GPR176: variants seen among roughly 807,000 people sequenced by gnomAD.
The protein encoded by GPR176 is G-protein coupled receptor 176.
Under a neutral mutation model 35.4 loss-of-function variants are expected in GPR176, and 26 were observed. The observed-to-expected ratio is 0.74, with a 90% CI of 0.54 to 1.02. The LOEUF is 1.02. Among genes scored for constraint, GPR176 ranks in the 50% least tolerant of loss-of-function variants. The pLI is 0.00. For synonymous variants in GPR176, 278 were observed against 271.3 expected, an observed-to-expected ratio of 1.02 and a Z score of -0.24; for missense variants, 597 against 665.3, an observed-to-expected ratio of 0.90 and a Z score of 1.13.
rs569056474 is a variant in GPR176 at position 39,855,354 on chromosome 15, A to C, written c.173-48096T>G. 2.0e-5 allele frequency among the ~76,000 whole-genome samples: 3 copies of C among 152,316 alleles called. No individual in the cohort carries two copies. The East Asian group carries it at 5.8e-4, about 29-fold the overall frequency. ...GTCTTGTGTGTCCCAACTATAGTGAAGGCATGAGGAATTCAAATAAGCCCT... is the reference window on the plus strand; with the variant it reads ...GTCTTGTGTGTCCCAACTATAGTGACGGCATGAGGAATTCAAATAAGCCCT... On this transcript the variant is annotated intron_variant, in intron 1 of 2. Transcript: ENST00000561100.
intron 1 of GPR176, among the ~76,000 whole-genome samples, chr15:39,882,566 G>C (rs2140850108): frequency 6.6e-6 from 1 of 152,326 alleles, no homozygotes; most frequent in Admixed American, 6.5e-5. Flanking sequence ...CAGTGCTGAT[G>C]AAATAACCAG....
chr15:39,892,750 G>A (rs938684092), intron 1 of GPR176, among the ~76,000 whole-genome samples: 2 of 152,226 alleles, frequency 1.3e-5, no homozygotes, highest in African/African-American at 4.8e-5. Context: ...TAGGACTGAG[G>A]CATGAACAGA....
chr15:39,871,458 A>G (rs2032038238), intron 1 of GPR176, among the ~76,000 whole-genome samples: 1 of 152,226 alleles, frequency 6.6e-6, no homozygotes, highest in Non-Finnish European at 1.5e-5. Flanking sequence ...GAGAGTGGAG[A>G]TGTAGGAGTA....
intron 1 of GPR176, among the ~76,000 whole-genome samples, chr15:39,812,472 CT>C (rs912996426): frequency 1.1e-4 from 16 of 152,322 alleles, no homozygotes; most frequent in African/African-American, 3.8e-4. Flanking sequence ...GACTCTTGGA[CT>C]TACACCAGTG....
chr15:39,822,186 A>C (rs781146913), intron 1 of GPR176, among the ~76,000 whole-genome samples: 7 of 152,216 alleles, frequency 4.6e-5, no homozygotes, highest in Admixed American at 1.3e-4. Flanking sequence ...CAACATCTTG[A>C]TGCAACCTTA....
At chr15:39,850,091 A>G (rs1177368089) in intron 1 of GPR176, among the ~76,000 whole-genome samples, 1 of 152,182 alleles carries the variant, frequency 6.6e-6, no homozygotes, top group East Asian at 1.9e-4. Flanking sequence ...CCCTGAATGG[A>G]GTCTGCAGGA....
intron 1 of GPR176, among the ~76,000 whole-genome samples, chr15:39,838,664 G>A (rs1901557102): frequency 6.6e-6 from 1 of 152,080 alleles, no homozygotes; most frequent in Non-Finnish European, 1.5e-5. Flanking sequence ...AATAAACTAG[G>A]TATTGATGGA....
At chr15:39,857,934 G>T (rs2031341288) in intron 1 of GPR176, among the ~76,000 whole-genome samples, 1 of 146,436 alleles carries the variant, frequency 6.8e-6, no homozygotes, top group African/African-American at 2.6e-5. Flanking sequence ...TGGCGCCACT[G>T]CACTCCAGCC....
At chr15:39,812,087 T>A (rs891653279) in intron 1 of GPR176, among the ~76,000 whole-genome samples, 1 of 152,214 alleles carries the variant, frequency 6.6e-6, no homozygotes, top group Non-Finnish European at 1.5e-5. Flanking sequence ...ACAACATACA[T>A]CATGAATTAT....
At chr15:39,912,132 A>G (rs2033594083) in intron 1 of GPR176, among the ~76,000 whole-genome samples, 1 of 152,196 alleles carries the variant, frequency 6.6e-6, no homozygotes, top group Admixed American at 6.5e-5. Context: ...TGCAATAAAA[A>G]CTGAAAATGA....
rs756989872 is a variant in GPR176 at position 39,801,654 on chromosome 15, G to T, written c.1026C>A (p.Tyr342Ter). The change falls in exon 3 of 3, where the codon TAC (tyrosine) becomes TAA (stop). Residue 342 changes from tyrosine to a stop codon, truncating the protein, a stop_gained. Transcript: ENST00000561100. LOFTEE classifies it high-confidence loss of function. ...IGTLVQLHHR[Y>*]SRRNVVSTGS... ...CTGTACTGACCACATTACGGCGACT[G>T]TACCGGTGGTGTAGTTGCACCAGGG... 6.2e-7 allele frequency: 1 copy of T among 1,613,804 alleles called. No individual in the cohort carries two copies. Among genetic ancestry groups the T allele is most frequent in the South Asian group, 1.1e-5 (1 of 91,068 alleles).
intron 1 of GPR176, among the ~76,000 whole-genome samples, chr15:39,811,675 G>A (rs1899560425): frequency 6.6e-6 from 1 of 152,130 alleles, no homozygotes; most frequent in South Asian, 2.1e-4. Context: ...CCAGCACTTT[G>A]GGAGGCCAAG....
At chr15:39,881,909 G>A (rs568600983) in intron 1 of GPR176, among the ~76,000 whole-genome samples, 1 of 152,206 alleles carries the variant, frequency 6.6e-6, no homozygotes, top group East Asian at 1.9e-4. Flanking sequence ...GGAATATATT[G>A]GACAATTATT....
chr15:39,915,136 C>T (rs1484094936), intron 1 of GPR176, among the ~76,000 whole-genome samples: 1 of 152,194 alleles, frequency 6.6e-6, no homozygotes, highest in African/African-American at 2.4e-5. Flanking sequence ...TATTAGTCTG[C>T]TCCAGCTGCT....
At chr15:39,861,760 A>G (rs571111411) in intron 1 of GPR176, among the ~76,000 whole-genome samples, 3 of 152,298 alleles carry the variant, frequency 2.0e-5, no homozygotes, top group Admixed American at 6.5e-5. Flanking sequence ...TGCCAGCTGG[A>G]GAGTTGCTAG....
intron 1 of GPR176, among the ~76,000 whole-genome samples, chr15:39,889,979 C>A (rs1453793756): frequency 1.3e-5 from 2 of 152,166 alleles, no homozygotes; most frequent in Non-Finnish European, 2.9e-5. Flanking sequence ...CATATATCTG[C>A]CCAACTCCAC....
Position 39,801,109 on chromosome 15 carries a change from C to T in GPR176, c.*23G>A. The T allele has an allele frequency of 6.4e-7, 1 of 1,564,120 alleles. No individual in the cohort carries two copies. On this transcript the variant is annotated 3_prime_UTR_variant, in exon 3 of 3. Transcript: ENST00000561100. ...GTGGGAATATGGAAGCTCCCCGTTG[C>T]TTCCAAGAATTTACAATCCTTGCTA... is the stretch of plus-strand genomic sequence containing the variant.
chr15:39,804,357 T>C (rs1899065007), intron 2 of GPR176, among the ~76,000 whole-genome samples: 2 of 152,220 alleles, frequency 1.3e-5, no homozygotes, highest in African/African-American at 4.8e-5. Flanking sequence ...TGGATGCTTG[T>C]AAGTAATTTG....
intron 1 of GPR176, among the ~76,000 whole-genome samples, chr15:39,832,940 C>T (rs144405340): frequency 2.0e-5 from 3 of 152,262 alleles, no homozygotes; most frequent in African/African-American, 7.2e-5. Context: ...ACACTAAGGG[C>T]ACACTCAGAT....
Sources: gnomAD v4.1 joint callset for allele counts (sites outside exome capture counted in the v4.1 genomes callset) on GRCh38, gnomAD v4.1.1 for gene constraint, MANE v1.5 for transcripts, NCBI Gene and HGNC (gene_info 2026-07-23, HGNC 2026-07-21) for gene names.